GGA3: variants seen among roughly 807,000 people sequenced by gnomAD.
GGA3 encodes the protein golgi associated, gamma adaptin ear containing, ARF binding protein 3, also known as ADP-ribosylation factor-binding protein GGA3.
In GGA3, 57 loss-of-function variants were observed where a neutral mutation model predicts 77.5. The observed-to-expected ratio is 0.74, with a 90% CI of 0.59 to 0.92. The LOEUF (loss-of-function observed/expected upper bound fraction) is 0.92, where lower values mean the gene tolerates loss of function less well. Among genes scored for constraint, GGA3 ranks in the 40% least tolerant of loss-of-function variants. The pLI, the probability that GGA3 is intolerant of heterozygous loss-of-function variation, is 0.00. For synonymous variants in GGA3, 416 were observed against 383.7 expected (o/e 1.08, Z -0.98); for missense variants, 970 against 914.9 (o/e 1.06, Z -0.78).
rs1271733413 is a variant in GGA3 at position 75,240,099 on chromosome 17, A to G, written c.1273T>C (p.Ser425Pro). ...SQWHLLQREQ[S>P]DLDFFSPRPG... ...CTGGGGCTGAAGAAGTCCAGGTCGG[A>G]CTGTTCCCTCTATGAACAACAGAAA... The change falls in exon 13 of 17, where the codon TCC becomes CCC. Residue 425 changes from serine (S) to proline (P), a missense_variant. Transcript: ENST00000537686. The G allele has an allele frequency of 1.4e-5, 21 of 1,499,844 alleles. No individual in the cohort carries two copies. The highest frequency in any genetic ancestry group is 1.7e-5 in the Non-Finnish European group (19 of 1,119,572). 92.9% of individuals were successfully genotyped at this position (1,499,844 alleles called of 1,614,324 possible).
chr17:75,242,238 C>A (rs2076583463), intron 8 of GGA3, 98 bp downstream of exon 8: 1 of 1,262,464 alleles, frequency 7.9e-7, no homozygotes, highest in South Asian at 1.2e-5. Flanking sequence ...AAGTGCACAG[C>A]CCGTGTCTCT....
In GGA3 at chr17:75,242,776, G is replaced by A. The variant is rs2076607529; in HGVS notation, c.609+55C>T. The A allele has an allele frequency of 1.9e-5, 26 of 1,390,808 alleles. No individual in the cohort carries two copies. The South Asian group carries it at 2.7e-4, about 14-fold the overall frequency. The allele number at this position is 1,390,808 out of a possible 1,614,324, so 86.2% of individuals were successfully genotyped here. A position where few individuals can be genotyped will look rare whatever the true frequency, so the allele number is the denominator to read the frequency against. ...CCGTGTCCGGGGCAAAGCGGCTTCT[G>A]CTGTGTGGCCATGGGCTCCTCCACC... On this transcript the variant is annotated intron_variant, in intron 7 of 16. Transcript: ENST00000537686.
intron 7 of GGA3, 79 bp downstream of exon 7, chr17:75,242,752 C>G: frequency 8.1e-7 from 1 of 1,238,262 alleles, no homozygotes; most frequent in South Asian, 1.2e-5. Context: ...AAAACAGGCC[C>G]GTGTCCGGGG....
At chr17:75,258,447 C>CT (rs2077230744) in intron 1 of GGA3, among the ~76,000 whole-genome samples, 1 of 152,106 alleles carries the variant, frequency 6.6e-6, no homozygotes, top group African/African-American at 2.4e-5. Flanking sequence ...AGGCAGGTGG[C>CT]TCACTTGAGG....
rs2076376803 is a variant in GGA3 at position 75,237,917 on chromosome 17, T to TCCCGCCC, written c.*361_*362insGGGCGGG. 2 of 761,988 alleles carry TCCCGCCC rather than the reference T, an allele frequency of 2.6e-6. No individual in the cohort carries two copies. Among genetic ancestry groups the TCCCGCCC allele is most frequent in the African/African-American group, 2.8e-5 (1 of 36,066 alleles). The allele number at this position is 761,988 out of a possible 1,614,324, so 47.2% of individuals were successfully genotyped here. A position where few individuals can be genotyped will look rare whatever the true frequency, so the allele number is the denominator to read the frequency against. On this transcript the variant is annotated 3_prime_UTR_variant, in exon 17 of 17. Transcript: ENST00000537686. Reference sequence around the variant, plus strand: ...CCCATGACAGTCTCTCTTTAGAGACTCCCACCCCCCACCCCCCACCCCAGT... The same window carrying TCCCGCCC: ...CCCATGACAGTCTCTCTTTAGAGACTCCCGCCCCCCACCCCCCACCCCCCACCCCAGT...
intron 1 of GGA3, among the ~76,000 whole-genome samples, chr17:75,259,913 G>A (rs772739535): frequency 1.3e-5 from 2 of 152,154 alleles, no homozygotes; most frequent in Non-Finnish European, 2.9e-5. Context: ...GCTTTGTAAG[G>A]GAAAGGTGGG....
At chr17:75,244,264 C>T (rs769410569) in intron 4 of GGA3, 11 of 236,032 alleles carry the variant, frequency 4.7e-5, no homozygotes, top group Non-Finnish European at 7.7e-5. Flanking sequence ...GGAGCAATGA[C>T]GGAGGCCAGC....
chr17:75,239,152 G>A (rs938691718), intron 14 of GGA3, 69 bp from the exon 15 acceptor site: 1 of 1,428,724 alleles, frequency 7.0e-7, no homozygotes, highest in Non-Finnish European at 9.6e-7. Context: ...CGGCGGTGAG[G>A]AGAAAAGGGC....
chr17:75,238,306 A>AG lies in GGA3; in HGVS notation c.2144dup (p.Pro716SerfsTer26). 1.9e-6 allele frequency: 3 copies of AG among 1,613,378 alleles called. No individual in the cohort carries two copies. The highest frequency in any genetic ancestry group is 2.5e-6 in the Non-Finnish European group (3 of 1,179,570). ...ATAGGTTCCCCCACTGTTCCACAGG[A>AG]GGGAACTGGTCCACCTCGCCCACCT... On this transcript the variant is annotated frameshift_variant, in exon 17 of 17. Coordinates refer to ENST00000537686, the MANE Select transcript of GGA3 (RefSeq NM_138619.4). LOFTEE classifies it high-confidence loss of function.
At chr17:75,262,200 A>C, upstream of GGA3, 1 of 668,986 alleles carries the variant, frequency 1.5e-6, no homozygotes, top group East Asian at 2.7e-5. Flanking sequence ...CGCGGAGCTG[A>C]AAGTGCGGTT....
In GGA3 at chr17:75,240,874, G is replaced by T. The variant is rs965270072; in HGVS notation, c.1130C>A (p.Thr377Asn). 11 of 1,613,660 alleles carry T rather than the reference G, an allele frequency of 6.8e-6. No individual in the cohort carries two copies. Among genetic ancestry groups the T allele is most frequent in the Non-Finnish European group, 9.3e-6 (11 of 1,179,864 alleles). Residue 377 changes from threonine (T) to asparagine (N), a missense_variant, in exon 11 of 17, where the codon ACC (threonine) becomes AAC (asparagine). Physicochemically the swap from Thr to Asn is moderately conservative, Grantham distance 65. Coordinates refer to ENST00000537686, the MANE Select transcript of GGA3 (RefSeq NM_138619.4). ...RSRSSSQAEA[T>N]LGPSSTSNAL... ...GTTGCTTGTGCTGCTGGGCCCCAGGGTGGCCTCGGCCTGGCTAGAGGAGCG... is the reference window on the plus strand; with the variant it reads ...GTTGCTTGTGCTGCTGGGCCCCAGGTTGGCCTCGGCCTGGCTAGAGGAGCG...
Position 75,246,525 on chromosome 17 carries a change from G to C in GGA3, c.185C>G (p.Ala62Gly). ...AGGACCTACCGTCAGGGCCTGGAGCGCCTCCCATTCCTGTGGGGACTGGAT... is the reference window on the plus strand; with the variant it reads ...AGGACCTACCGTCAGGGCCTGGAGCCCCTCCCATTCCTGTGGGGACTGGAT... ...HKIQSPQEWE[A>G]LQALTVLEAC... is the part of the protein sequence containing the mutation. Residue 62 changes from alanine to glycine, a missense_variant, in exon 3 of 17, where the codon GCG becomes GGG. Coordinates refer to ENST00000537686, the MANE Select transcript of GGA3 (RefSeq NM_138619.4). 1 of 1,610,574 alleles carries C rather than the reference G, an allele frequency of 6.2e-7. No homozygotes were observed. The highest frequency in any genetic ancestry group is 2.2e-5 in the East Asian group (1 of 44,876).
chr17:75,249,330 A>G (rs1481204922), intron 1 of GGA3, among the ~76,000 whole-genome samples: 2 of 152,194 alleles, frequency 1.3e-5, no homozygotes, highest in Non-Finnish European at 2.9e-5. Flanking sequence ...GGCGGGAGCC[A>G]CCGCACCCCG....
chr17:75,241,476 G>A lies in GGA3; in HGVS notation c.870C>T (p.Ile290=). 1 of 1,613,976 alleles carries A rather than the reference G, an allele frequency of 6.2e-7. No individual in the cohort carries two copies. Among genetic ancestry groups the A allele is most frequent in the South Asian group, 1.1e-5 (1 of 91,078 alleles). The change falls in exon 10 of 17, where the codon ATC becomes ATT. Residue 290 remains isoleucine, a synonymous_variant. Coordinates refer to ENST00000537686, the MANE Select transcript of GGA3 (RefSeq NM_138619.4). ...CTTCAATAATTGTTTTGTAAGAGTT[G>A]ATGACCCGGGAGAGGTTGTCACTGG... The part of the protein sequence containing the change: ...LQASDNLSRV[I]NSYKTIIEGQ...
Position 75,239,006 on chromosome 17 carries a change from C to G in GGA3, c.1858G>C (p.Gly620Arg). 2 of 1,614,110 alleles carry G rather than the reference C, an allele frequency of 1.2e-6. No homozygotes were observed. Among genetic ancestry groups the G allele is most frequent in the Non-Finnish European group, 1.7e-6 (2 of 1,180,022 alleles). The change falls in exon 15 of 17, where the codon GGA (glycine) becomes CGA (arginine). Residue 620 changes from glycine (G) to arginine (R), a missense_variant. Transcript: ENST00000537686. ...LFHFAKECPP[G>R]RPDVLVVVVS... ...ACCACCACCAGCACGTCAGGTCGTC[C>G]TGGGGGACACTCCTTGGCAAAGTGG...
At chr17:75,255,945 C>T (rs2077137401) in intron 1 of GGA3, among the ~76,000 whole-genome samples, 1 of 152,224 alleles carries the variant, frequency 6.6e-6, no homozygotes, top group African/African-American at 2.4e-5. Context: ...CAAGGCTTCA[C>T]AGACAGCCCC....
chr17:75,237,172 T>G lies in GGA3; in HGVS notation c.*1107A>C, dbSNP rs989558694. The G allele has an allele frequency of 8.3e-6, 4 of 481,720 alleles. No homozygotes were observed. The highest frequency in any genetic ancestry group is 7.7e-5 in the African/African-American group (4 of 51,892). The allele number at this position is 481,720 out of a possible 1,614,324, so 29.8% of individuals were successfully genotyped here. A position where few individuals can be genotyped will look rare whatever the true frequency, so the allele number is the denominator to read the frequency against. The stretch of plus-strand genomic sequence containing the variant: ...CAAGCTGGCGGGGGCCAAGCACTGT[T>G]GAAGCAATAGGGTCTGGTGACTCAG... On this transcript the variant is annotated 3_prime_UTR_variant, in exon 17 of 17. Transcript: ENST00000537686.
chr17:75,237,077 A>C lies in GGA3; in HGVS notation c.*1202T>G. 4.5e-6 allele frequency: 1 copy of C among 221,168 alleles called. No individual in the cohort carries two copies. The highest frequency in any genetic ancestry group is 9.0e-6 in the Non-Finnish European group (1 of 111,394). The allele number at this position is 221,168 out of a possible 1,614,324, so 13.7% of individuals were successfully genotyped here. On this transcript the variant is annotated 3_prime_UTR_variant, in exon 17 of 17. Transcript: ENST00000537686. ...TCCCCCGTGTCTATGGCAGCTGGTGATTTTTTTTTTGTGACGGAGGCTTGG... is the reference window on the plus strand; with the variant it reads ...TCCCCCGTGTCTATGGCAGCTGGTGCTTTTTTTTTTGTGACGGAGGCTTGG...
At chr17:75,242,591 T>G (rs2145504416) in intron 7 of GGA3, 118 bp from the exon 8 acceptor site, 2 of 1,168,130 alleles carry the variant, frequency 1.7e-6, no homozygotes, top group East Asian at 4.7e-5. Flanking sequence ...CCTTTCAGTG[T>G]GGGGTGCCTG....
Sources: gnomAD v4.1 joint callset for allele counts (sites outside exome capture counted in the v4.1 genomes callset) on GRCh38, gnomAD v4.1.1 for gene constraint, MANE v1.5 for transcripts, NCBI Gene and HGNC (gene_info 2026-07-23, HGNC 2026-07-21) for gene names.